Variants in LRBA observed in about 807,000 individuals in gnomAD.
LRBA encodes lipopolysaccharide-responsive and beige-like anchor protein.
Under a neutral mutation model 330.0 loss-of-function variants are expected in LRBA, and 176 were observed. That is an observed-to-expected ratio of 0.53 (90% CI 0.47 to 0.60). The LOEUF (loss-of-function observed/expected upper bound fraction) is 0.60, where lower values mean the gene tolerates loss of function less well. Among genes scored for constraint, LRBA ranks in the 20% least tolerant of loss-of-function variants. The pLI, the probability that LRBA is intolerant of heterozygous loss-of-function variation, is 0.00. For missense variants in LRBA, 3,259 were observed against 3,444.8 expected, an observed-to-expected ratio of 0.95 and a Z score of 1.35; for synonymous variants, 1,230 against 1,193.0, an observed-to-expected ratio of 1.03 and a Z score of -0.64.
At chr4:150,445,377 C>CTCTCTCTCTCTCTATA (rs1454079183) in intron 44 of LRBA, among the ~76,000 whole-genome samples, 1 of 78,606 alleles carries the variant, frequency 1.3e-5, no homozygotes, top group Non-Finnish European at 2.5e-5. Flanking sequence ...CTCTCTCTCT[C>CTCTCTCTCTCTCTATA]TATATATATA....
intron 2 of LRBA, among the ~76,000 whole-genome samples, chr4:150,948,067 A>G (rs1456609320): frequency 6.6e-6 from 1 of 152,082 alleles, no homozygotes; most frequent in Non-Finnish European, 1.5e-5. Flanking sequence ...AAACTGATAT[A>G]TAGATCTAAC....
At chr4:150,849,326 A>G in intron 25 of LRBA, 96 bp downstream of exon 25, 1 of 1,056,688 alleles carries the variant, frequency 9.5e-7, no homozygotes, top group East Asian at 2.4e-5. Flanking sequence ...TATAGCACCT[A>G]CGATGCATAG....
chr4:150,838,499 C>G lies in LRBA; in HGVS notation c.4569+5601G>C, dbSNP rs561894522. ...GAGGCTTCGTTCATTTCTCTTTACT[C>G]TTTTTTCTCTAAACTTCTCTTCTCA... On this transcript the variant is annotated intron_variant, in intron 28 of 56. Coordinates refer to ENST00000651943, the MANE Select transcript of LRBA (RefSeq NM_001364905.1). Among the ~76,000 whole-genome samples, 4 of 152,274 alleles carry G rather than the reference C, an allele frequency of 2.6e-5. No homozygotes were observed. The East Asian group carries it at 7.7e-4, about 29-fold the overall frequency.
chr4:150,703,942 TGCCTG>T (rs1273426942), intron 36 of LRBA, among the ~76,000 whole-genome samples: 9 of 152,032 alleles, frequency 5.9e-5, no homozygotes, highest in Non-Finnish European at 1.2e-4. Context: ...AAGTGGCTCA[TGCCTG>T]TAATCCCAGC....
intron 2 of LRBA, chr4:151,014,182 C>T (rs1244726008): frequency 2.6e-6 from 1 of 386,544 alleles, no homozygotes; most frequent in Admixed American, 4.1e-5. Context: ...TCCATAGCAA[C>T]AATTATTTCC....
chr4:150,882,572 T>C (rs115147250), intron 17 of LRBA, among the ~76,000 whole-genome samples: 45 of 152,320 alleles, frequency 3.0e-4, no homozygotes, highest in Admixed American at 2.0e-3. Context: ...TATTTGACTA[T>C]GCTTACATGT....
At position 150,597,242 on chromosome 4, in the gene LRBA, T is replaced by C. The variant is rs1033205300; in HGVS notation, c.6046+1765A>G. The C allele has an allele frequency of 3.9e-5, 16 of 414,056 alleles. No individual in the cohort carries two copies. In the East Asian group the frequency reaches 5.1e-4, roughly 13 times the overall value. The allele number at this position is 414,056 out of a possible 1,614,324, so 25.6% of individuals were successfully genotyped here. ...GTAAAAACATGTTAATAAATTCTTTTTTGTCAAACTTTAATGCAGATGCTT... is the reference window on the plus strand; with the variant it reads ...GTAAAAACATGTTAATAAATTCTTTCTTGTCAAACTTTAATGCAGATGCTT... On this transcript the variant is annotated intron_variant, in intron 38 of 56. Coordinates refer to ENST00000651943, the MANE Select transcript of LRBA (RefSeq NM_001364905.1).
intron 34 of LRBA, among the ~76,000 whole-genome samples, chr4:150,796,966 A>T (rs1740876855): frequency 1.3e-5 from 2 of 151,910 alleles, no homozygotes; most frequent in Non-Finnish European, 1.5e-5. Flanking sequence ...TCTAAATGAG[A>T]TGATTAAATT....
At chr4:150,268,942 GTC>G (rs1175671850) in intron 56 of LRBA, among the ~76,000 whole-genome samples, 1 of 152,154 alleles carries the variant, frequency 6.6e-6, no homozygotes, top group Non-Finnish European at 1.5e-5. Flanking sequence ...GAGTGAAACT[GTC>G]TCTGTTTACA....
At chr4:150,940,559 C>A (rs1735559203) in intron 2 of LRBA, among the ~76,000 whole-genome samples, 1 of 152,088 alleles carries the variant, frequency 6.6e-6, no homozygotes. Flanking sequence ...TTACACATAT[C>A]TTTTTAAGTA....
intron 48 of LRBA, among the ~76,000 whole-genome samples, chr4:150,335,893 GC>G (rs2126989363): frequency 6.6e-6 from 1 of 152,028 alleles, no homozygotes; most frequent in African/African-American, 2.4e-5. Flanking sequence ...ATGGTGTTTT[GC>G]CATGTTGCCC....
intron 35 of LRBA, among the ~76,000 whole-genome samples, chr4:150,751,684 A>G (rs1733574348): frequency 6.6e-6 from 1 of 152,184 alleles, no homozygotes; most frequent in Non-Finnish European, 1.5e-5. Context: ...TATTAAGAAG[A>G]AAAAACTATG....
intron 36 of LRBA, among the ~76,000 whole-genome samples, chr4:150,708,446 T>C (rs1785850869): frequency 6.6e-6 from 1 of 151,832 alleles, no homozygotes; most frequent in Non-Finnish European, 1.5e-5. Flanking sequence ...TGGTCTACAG[T>C]TATGTTATAA....
At chr4:150,435,739 G>C in intron 45 of LRBA, 31 bp from the exon 46 acceptor site, 2 of 1,571,542 alleles carry the variant, frequency 1.3e-6, no homozygotes, top group East Asian at 2.2e-5. Context: ...AAATCCATAT[G>C]TTCCCTCAGG....
At chr4:150,389,454 AGAGAGGAATCAG>A (rs1349770964) in intron 47 of LRBA, among the ~76,000 whole-genome samples, 2 of 152,054 alleles carry the variant, frequency 1.3e-5, no homozygotes, top group African/African-American at 2.4e-5. Context: ...AGAGGAATCA[AGAGAGGAATCAG>A]GAGGCTGAGG....
intron 40 of LRBA, among the ~76,000 whole-genome samples, chr4:150,535,146 T>G (rs1196910299): frequency 6.6e-6 from 1 of 152,164 alleles, no homozygotes; most frequent in Non-Finnish European, 1.5e-5. Context: ...TTTGTTTTGT[T>G]TTTTAGAGAT....
intron 13 of LRBA, among the ~76,000 whole-genome samples, chr4:150,903,783 A>T (rs1426868239): frequency 3.3e-5 from 5 of 152,208 alleles, no homozygotes; most frequent in Admixed American, 1.3e-4. Flanking sequence ...AAAGACCTCA[A>T]GATTACTCAT....
intron 2 of LRBA, among the ~76,000 whole-genome samples, chr4:150,962,902 C>T (rs1296566149): frequency 7.0e-6 from 1 of 142,796 alleles, no homozygotes; most frequent in Non-Finnish European, 1.5e-5. Context: ...TGCAGTGAGC[C>T]GATATCACAC....
chr4:150,340,939 T>C (rs1434968066), intron 48 of LRBA, among the ~76,000 whole-genome samples: 2 of 152,084 alleles, frequency 1.3e-5, no homozygotes, highest in Non-Finnish European at 2.9e-5. Context: ...TTTTATTCTA[T>C]GTTTGATGTG....
Sources: allele counts gnomAD v4.1 joint callset (sites outside exome capture counted in the v4.1 genomes callset), GRCh38; gene constraint gnomAD v4.1.1; transcripts MANE v1.5; gene names NCBI Gene and HGNC (gene_info 2026-07-23, HGNC 2026-07-21).